The following BBS9 variants were observed in gnomAD, a reference collection of about 807,000 sequenced individuals.
The protein encoded by BBS9 is Bardet-Biedl syndrome 9.
A neutral mutation model predicts 117.7 loss-of-function variants in BBS9; 89 were observed. That is an observed-to-expected ratio of 0.76 (90% CI 0.64 to 0.90). The LOEUF is 0.90. BBS9 is among the 40% of genes least tolerant of loss of function. The probability of loss-of-function intolerance (pLI) is 0.00; values close to 1 mark genes in which losing one functional copy is unlikely to be tolerated. For missense variants in BBS9, 982 were observed against 1,042.2 expected (o/e 0.94, Z 0.80); for synonymous variants, 379 against 370.9 (o/e 1.02, Z -0.25).
chr7:33,132,557 G>A (rs1294135983), intron 1 of BBS9, among the ~76,000 whole-genome samples: 2 of 152,056 alleles, frequency 1.3e-5, no homozygotes, highest in Non-Finnish European at 2.9e-5. Context: ...CCTTATTCAA[G>A]ACAGTTAACT....
rs993262487 is a variant in BBS9 at position 33,196,205 on chromosome 7, TA to T, written c.442+18623del. 2.6e-5 allele frequency among the ~76,000 whole-genome samples: 4 copies of T among 151,176 alleles called. No homozygotes were observed. The East Asian group carries it at 5.8e-4, about 22-fold the overall frequency. On this transcript the variant is annotated intron_variant, in intron 5 of 22. Coordinates refer to ENST00000242067, the MANE Select transcript of BBS9 (RefSeq NM_198428.3). The stretch of plus-strand genomic sequence containing the variant: ...CTTTTTAATTTTTATTTTAAAAAAT[TA>T]AAAAAAAAGCATCCTTCCCACTCTG...
intron 5 of BBS9, among the ~76,000 whole-genome samples, chr7:33,188,811 T>C (rs1328127064): frequency 6.6e-6 from 1 of 151,708 alleles, no homozygotes; most frequent in African/African-American, 2.4e-5. Context: ...AGAGAAGAAA[T>C]GGAAATCCCA....
At chr7:33,397,169 A>G (rs868588353) in intron 19 of BBS9, among the ~76,000 whole-genome samples, 1 of 152,354 alleles carries the variant, frequency 6.6e-6, no homozygotes, top group Non-Finnish European at 1.5e-5. Context: ...GGACATGAAC[A>G]GACACTTTTC....
At chr7:33,208,915 A>G (rs2128222387) in intron 5 of BBS9, among the ~76,000 whole-genome samples, 1 of 152,290 alleles carries the variant, frequency 6.6e-6, no homozygotes, top group African/African-American at 2.4e-5. Flanking sequence ...TAAATGGAGT[A>G]TCCTCACCTC....
At chr7:33,279,937 G>A (rs1362420792) in intron 9 of BBS9, among the ~76,000 whole-genome samples, 1 of 152,130 alleles carries the variant, frequency 6.6e-6, no homozygotes, top group Non-Finnish European at 1.5e-5. Context: ...ATCTACAAGT[G>A]TGGAAGTCCA....
chr7:33,366,927 C>T (rs1422007950), intron 16 of BBS9, among the ~76,000 whole-genome samples: 3 of 152,066 alleles, frequency 2.0e-5, no homozygotes, highest in Non-Finnish European at 4.4e-5. Flanking sequence ...CTATTCTGGC[C>T]GGAGTTCTTC....
At chr7:33,137,184 G>T (rs1038149693) in intron 1 of BBS9, among the ~76,000 whole-genome samples, 1 of 152,072 alleles carries the variant, frequency 6.6e-6, no homozygotes, top group Non-Finnish European at 1.5e-5. Flanking sequence ...TGCCCTGAGC[G>T]CACACACACC....
intron 5 of BBS9, among the ~76,000 whole-genome samples, chr7:33,206,079 A>AT (rs1339132450): frequency 6.6e-6 from 1 of 151,918 alleles, no homozygotes; most frequent in African/African-American, 2.4e-5. Context: ...TTGTTGTTTC[A>AT]TTTTTTTCCC....
chr7:33,442,903 C>G (rs1266722595), intron 19 of BBS9, among the ~76,000 whole-genome samples: 3 of 152,124 alleles, frequency 2.0e-5, no homozygotes, highest in Admixed American at 6.5e-5. Flanking sequence ...GAAAAAAACA[C>G]TCCTTAGAAA....
At chr7:33,306,306 C>A (rs897828042) in intron 9 of BBS9, among the ~76,000 whole-genome samples, 4 of 151,876 alleles carry the variant, frequency 2.6e-5, no homozygotes, top group African/African-American at 4.8e-5. Flanking sequence ...TGTTTTGTGA[C>A]TTAACATATA....
chr7:33,465,734 T>A (rs1488132736), intron 19 of BBS9, among the ~76,000 whole-genome samples: 1 of 152,148 alleles, frequency 6.6e-6, no homozygotes, highest in Non-Finnish European at 1.5e-5. Context: ...ATTGAGTTAA[T>A]ACATATGGAT....
chr7:33,535,455 T>TA (rs1444536047), intron 21 of BBS9, among the ~76,000 whole-genome samples: 1 of 152,250 alleles, frequency 6.6e-6, no homozygotes, highest in African/African-American at 2.4e-5. Flanking sequence ...TGAATATCTT[T>TA]ACCTCAACTA....
At chr7:33,316,218 T>C (rs1467273370) in intron 9 of BBS9, among the ~76,000 whole-genome samples, 1 of 152,218 alleles carries the variant, frequency 6.6e-6, no homozygotes, top group African/African-American at 2.4e-5. Context: ...ATACAGTAGG[T>C]ATGTTTTAAT....
intron 9 of BBS9, among the ~76,000 whole-genome samples, chr7:33,291,963 C>G (rs1336746815): frequency 6.6e-6 from 1 of 152,178 alleles, no homozygotes; most frequent in Non-Finnish European, 1.5e-5. Context: ...GAAGTTTTCT[C>G]CAGGGAATTG....
intron 19 of BBS9, among the ~76,000 whole-genome samples, chr7:33,458,072 C>T (rs951726260): frequency 2.0e-5 from 3 of 152,232 alleles, no homozygotes; most frequent in Non-Finnish European, 4.4e-5. Context: ...CTCAGGTGTG[C>T]TTTTAAAAGA....
chr7:33,514,483 A>G (rs1847434510), intron 20 of BBS9, among the ~76,000 whole-genome samples: 1 of 152,164 alleles, frequency 6.6e-6, no homozygotes, highest in South Asian at 2.1e-4. Context: ...GCTCAGAACC[A>G]CAGGCTCACC....
chr7:33,538,270 T>C (rs1002541244), intron 21 of BBS9, among the ~76,000 whole-genome samples: 1 of 152,214 alleles, frequency 6.6e-6, no homozygotes, highest in Non-Finnish European at 1.5e-5. Context: ...AGGTATCTTA[T>C]ATAATCCATA....
chr7:33,187,530 G>A (rs528500538), intron 5 of BBS9, among the ~76,000 whole-genome samples: 37 of 152,298 alleles, frequency 2.4e-4, no homozygotes, highest in African/African-American at 5.5e-4. Flanking sequence ...TTGTCCCTCC[G>A]TCTGTCCATC....
At chr7:33,315,268 T>C (rs1336662494) in intron 9 of BBS9, among the ~76,000 whole-genome samples, 1 of 152,194 alleles carries the variant, frequency 6.6e-6, no homozygotes, top group Non-Finnish European at 1.5e-5. Context: ...TGCTAGCTGC[T>C]GGCAACCCTT....
Sources: gnomAD v4.1 joint callset for allele counts (sites outside exome capture counted in the v4.1 genomes callset) on GRCh38, gnomAD v4.1.1 for gene constraint, MANE v1.5 for transcripts, NCBI Gene and HGNC (gene_info 2026-07-23, HGNC 2026-07-21) for gene names.